SAMD5: variants seen among roughly 807,000 people sequenced by gnomAD.
SAMD5 encodes sterile alpha motif domain-containing protein 5.
Under a neutral mutation model 11.3 loss-of-function variants are expected in SAMD5, and 13 were observed. That is an observed-to-expected ratio of 1.15 (90% CI 0.75 to 1.83). SAMD5 has a LOEUF of 1.83. SAMD5 is among the 40% of genes most tolerant of loss of function. The pLI, the probability that SAMD5 is intolerant of heterozygous loss-of-function variation, is 0.00. For synonymous variants in SAMD5, 129 were observed against 111.3 expected (o/e 1.16, Z -1.00); for missense variants, 255 against 239.1 (o/e 1.07, Z -0.44).
rs1326158267 is a variant in SAMD5, at chr6:147,566,004, C to T, written c.*1548C>T. 1 of 985,082 alleles carries T rather than the reference C, an allele frequency of 1.0e-6. No individual in the cohort carries two copies. The highest frequency in any genetic ancestry group is 1.2e-6 in the Non-Finnish European group (1 of 829,756). The allele number at this position is 985,082 out of a possible 1,614,324, so 61.0% of individuals were successfully genotyped here. ...TAAGAAACTCTCAAAGGAAAAGAAACTTACATTCACTTTTTCCTGGTCCAT... is the reference window on the plus strand; with the variant it reads ...TAAGAAACTCTCAAAGGAAAAGAAATTTACATTCACTTTTTCCTGGTCCAT... On this transcript the variant is annotated 3_prime_UTR_variant, in exon 2 of 2. Coordinates refer to ENST00000367474, the MANE Select transcript of SAMD5 (RefSeq NM_001030060.3).
At chr6:147,511,163 A>G (rs1389831094) in intron 1 of SAMD5, among the ~76,000 whole-genome samples, 1 of 152,234 alleles carries the variant, frequency 6.6e-6, no homozygotes, top group African/African-American at 2.4e-5. Flanking sequence ...GTGCTGTGTA[A>G]TGGGGCGGGG....
At chr6:147,945,859 G>A in the SAMD5 span, among the ~76,000 whole-genome samples, 15 of 152,314 alleles carry the variant, frequency 9.8e-5, no homozygotes, top group East Asian at 1.9e-3. Flanking sequence ...AGAGCAAGAC[G>A]TGGTCACAGC....
chr6:147,537,568 C>T lies in SAMD5; in HGVS notation c.460-26826C>T, dbSNP rs1042424802. On this transcript the variant is annotated intron_variant, in intron 1 of 1. Coordinates refer to ENST00000367474, the MANE Select transcript of SAMD5 (RefSeq NM_001030060.3). ...GAGATCGAGACTATCCTGGCTAACC[C>T]GGTGAAACCCCGTCTCTACTAAAAA... is the stretch of plus-strand genomic sequence containing the variant. Among the ~76,000 whole-genome samples, 22 of 150,764 alleles carry T rather than the reference C, an allele frequency of 1.5e-4. No individual in the cohort carries two copies. In the South Asian group the frequency reaches 2.9e-3, roughly 20 times the overall value.
chr6:147,905,774 T>C, the SAMD5 span, among the ~76,000 whole-genome samples: 1 of 152,348 alleles, frequency 6.6e-6, no homozygotes, highest in Admixed American at 6.5e-5. Context: ...ATTCTAAAAA[T>C]GTGTGGGCCC....
chr6:147,871,772 C>A, the SAMD5 span, among the ~76,000 whole-genome samples: 3 of 152,128 alleles, frequency 2.0e-5, no homozygotes, highest in African/African-American at 7.2e-5. Flanking sequence ...TTGATTACAC[C>A]GTTCAAAAAT....
At chr6:147,691,851 T>C (rs1432062046) in intron 1 of SAMD5, among the ~76,000 whole-genome samples, 1 of 152,188 alleles carries the variant, frequency 6.6e-6, no homozygotes, top group Admixed American at 6.5e-5. Context: ...ATTTAAGTAC[T>C]ACATAAATCT....
intron 1 of SAMD5, among the ~76,000 whole-genome samples, chr6:147,511,080 A>G (rs1057425518): frequency 6.6e-6 from 1 of 152,240 alleles, no homozygotes; most frequent in African/African-American, 2.4e-5. Flanking sequence ...ATAAGGGCAC[A>G]GTTCAAGTCC....
At chr6:147,918,338 G>T in the SAMD5 span, among the ~76,000 whole-genome samples, 1 of 152,052 alleles carries the variant, frequency 6.6e-6, no homozygotes, top group African/African-American at 2.4e-5. Context: ...GTGAGTGGGA[G>T]TTCACTCATT....
rs533744053 is a variant in SAMD5, at chr6:147,639,260, A to G, written c.163-98057A>G. On this transcript the variant is annotated intron_variant, in intron 1 of 1. Transcript: ENST00000566741. ...ATAATTGTATGAATTAAGAAAATATAAAAGAACAATTAATGAAGTAGATAA... is the reference window on the plus strand; with the variant it reads ...ATAATTGTATGAATTAAGAAAATATGAAAGAACAATTAATGAAGTAGATAA... Among the ~76,000 whole-genome samples, 29 of 152,366 alleles carry G rather than the reference A, an allele frequency of 1.9e-4. No individual in the cohort carries two copies. In the South Asian group the frequency reaches 5.4e-3, roughly 28 times the overall value.
the SAMD5 span, among the ~76,000 whole-genome samples, chr6:147,937,615 A>G: frequency 6.6e-6 from 1 of 152,220 alleles, no homozygotes. Flanking sequence ...AGGAAAAAGA[A>G]TTACGTTTCA....
intron 1 of SAMD5, among the ~76,000 whole-genome samples, chr6:147,534,346 C>A (rs1788476214): frequency 6.6e-6 from 1 of 152,142 alleles, no homozygotes; most frequent in African/African-American, 2.4e-5. Flanking sequence ...TCCAAACCTC[C>A]CCAAACAGAG....
intron 1 of SAMD5, among the ~76,000 whole-genome samples, chr6:147,696,779 G>C (rs980262303): frequency 1.3e-5 from 2 of 152,068 alleles, no homozygotes; most frequent in Non-Finnish European, 2.9e-5. Flanking sequence ...GATTCTATGA[G>C]TTAATATACA....
At chr6:147,631,381 C>G (rs1790148434) in intron 1 of SAMD5, among the ~76,000 whole-genome samples, 1 of 152,128 alleles carries the variant, frequency 6.6e-6, no homozygotes, top group Non-Finnish European at 1.5e-5. Context: ...AGTTTTTGGG[C>G]TCTATCCTTG....
At chr6:147,851,633 A>G in the SAMD5 span, among the ~76,000 whole-genome samples, 1 of 152,170 alleles carries the variant, frequency 6.6e-6, no homozygotes, top group South Asian at 2.1e-4. Flanking sequence ...ACCAGGCTCC[A>G]GGTAATTATT....
At chr6:147,850,702 G>A in the SAMD5 span, among the ~76,000 whole-genome samples, 3,698 of 152,050 alleles carry the variant, frequency 0.024, 166 homozygotes, top group African/African-American at 0.086. Context: ...TAAACAGTAC[G>A]TTTATAACAT....
At chr6:147,885,894 T>A in the SAMD5 span, among the ~76,000 whole-genome samples, 1 of 152,208 alleles carries the variant, frequency 6.6e-6, no homozygotes, top group Non-Finnish European at 1.5e-5. Flanking sequence ...GATGATTTCA[T>A]GGGAAAATTC....
the SAMD5 span, among the ~76,000 whole-genome samples, chr6:147,919,277 A>G: frequency 1.2e-4 from 19 of 152,342 alleles, no homozygotes; most frequent in Non-Finnish European, 1.5e-4. Context: ...ACATGGGGGA[A>G]CCAGGCTACC....
the SAMD5 span, among the ~76,000 whole-genome samples, chr6:147,882,191 C>T: frequency 6.6e-6 from 1 of 152,140 alleles, no homozygotes; most frequent in African/African-American, 2.4e-5. Context: ...CCTCTTATTA[C>T]TTGGCATTTT....
At chr6:147,937,850 T>G in the SAMD5 span, among the ~76,000 whole-genome samples, 3 of 152,194 alleles carry the variant, frequency 2.0e-5, no homozygotes, top group African/African-American at 7.2e-5. Context: ...TCTCAGGTGC[T>G]TGCCTTAAAA....
Sources: allele counts gnomAD v4.1 joint callset (sites outside exome capture counted in the v4.1 genomes callset), GRCh38; gene constraint gnomAD v4.1.1; transcripts MANE v1.5; gene names NCBI Gene and HGNC (gene_info 2026-07-23, HGNC 2026-07-21).